Variants in SEZ6L observed in about 807,000 individuals in gnomAD.
The protein encoded by SEZ6L is seizure related 6 homolog like.
In SEZ6L, 37 loss-of-function variants were observed where a neutral mutation model predicts 106.2. That is an observed-to-expected ratio of 0.35 (90% confidence interval 0.27 to 0.46). The LOEUF is 0.46. Ranked by LOEUF, SEZ6L falls within the 20% of genes least tolerant of loss-of-function variation. SEZ6L has a pLI of 1.00. For missense variants in SEZ6L, 1,172 were observed against 1,332.8 expected (o/e 0.88, Z 1.88); for synonymous variants, 541 against 570.4 (o/e 0.95, Z 0.73).
intron 13 of SEZ6L, among the ~76,000 whole-genome samples, chr22:26,370,289 G>A (rs1428255869): frequency 6.6e-6 from 1 of 152,072 alleles, no homozygotes; most frequent in Non-Finnish European, 1.5e-5. Flanking sequence ...GGAGGCTGAG[G>A]CAGGACAATG....
At chr22:26,266,979 T>C (rs1018304981) in intron 1 of SEZ6L, among the ~76,000 whole-genome samples, 6 of 152,170 alleles carry the variant, frequency 3.9e-5, no homozygotes, top group African/African-American at 1.4e-4. Flanking sequence ...AGAGCTGAGA[T>C]GAATAAAGGC....
intron 1 of SEZ6L, among the ~76,000 whole-genome samples, chr22:26,216,758 C>T (rs1274347632): frequency 6.6e-6 from 1 of 152,148 alleles, no homozygotes; most frequent in East Asian, 1.9e-4. Flanking sequence ...TCATCATTAT[C>T]ATCATCAAAA....
intron 12 of SEZ6L, among the ~76,000 whole-genome samples, chr22:26,356,471 G>A (rs192895820): frequency 3.8e-4 from 58 of 151,522 alleles, no homozygotes; most frequent in Admixed American, 1.4e-3. Context: ...GTGAAACCCC[G>A]TCTCTACTAA....
Position 26,310,811 on chromosome 22 carries a change from C to T in SEZ6L, c.1656C>T (p.Ala552=), listed in dbSNP as rs2081800615. The change falls in exon 7 of 17, where the codon GCC becomes GCT. Residue 552 remains alanine, a synonymous_variant. Coordinates refer to ENST00000248933, the MANE Select transcript of SEZ6L (RefSeq NM_021115.5). ...IEFTSDQARA[A]STFNIRFEAF... is the part of the protein sequence containing the mutation. ...TCACGTCCGACCAGGCCCGGGCGGCCTCCACCTTCAACATCCGATTTGAAG... is the reference window on the plus strand; with the variant it reads ...TCACGTCCGACCAGGCCCGGGCGGCTTCCACCTTCAACATCCGATTTGAAG... The T allele has an allele frequency of 2.5e-6, 4 of 1,614,106 alleles. No homozygotes were observed. In the South Asian group the frequency reaches 4.4e-5, roughly 18 times the overall value.
intron 13 of SEZ6L, among the ~76,000 whole-genome samples, chr22:26,370,241 C>T (rs1218858458): frequency 1.3e-5 from 2 of 151,902 alleles, no homozygotes; most frequent in South Asian, 2.1e-4. Flanking sequence ...AAAATTTAGC[C>T]GGGTGTGGTG....
At chr22:26,357,767 A>G (rs1308844366) in intron 12 of SEZ6L, among the ~76,000 whole-genome samples, 3 of 152,194 alleles carry the variant, frequency 2.0e-5, no homozygotes, top group East Asian at 1.9e-4. Context: ...TAGCAAAATG[A>G]ATGTGGTCTT....
At chr22:26,229,405 G>A (rs2078732145) in intron 1 of SEZ6L, among the ~76,000 whole-genome samples, 1 of 152,186 alleles carries the variant, frequency 6.6e-6, no homozygotes, top group Non-Finnish European at 1.5e-5. Context: ...TTTATTATAT[G>A]TCAGTAATGT....
intron 6 of SEZ6L, among the ~76,000 whole-genome samples, chr22:26,308,991 A>T (rs2081729717): frequency 6.6e-6 from 1 of 152,186 alleles, no homozygotes. Context: ...GGACTCTACC[A>T]CAGCCCCCAT....
chr22:26,289,840 A>T (rs2081052933), intron 1 of SEZ6L, among the ~76,000 whole-genome samples: 3 of 152,232 alleles, frequency 2.0e-5, no homozygotes, highest in Admixed American at 2.0e-4. Context: ...CTCCCTGCAG[A>T]AAATCGACAA....
At chr22:26,188,435 C>T (rs539584725) in intron 1 of SEZ6L, among the ~76,000 whole-genome samples, 33 of 152,216 alleles carry the variant, frequency 2.2e-4, no homozygotes, top group South Asian at 1.2e-3. Flanking sequence ...GCTTGTCACC[C>T]GAGCATGTAA....
chr22:26,363,829 T>G (rs935882210), intron 12 of SEZ6L, among the ~76,000 whole-genome samples: 1 of 152,158 alleles, frequency 6.6e-6, no homozygotes, highest in Non-Finnish European at 1.5e-5. Flanking sequence ...ATATTAGCCT[T>G]GAAAAGGAAG....
At chr22:26,252,957 C>T (rs1417177136) in intron 1 of SEZ6L, among the ~76,000 whole-genome samples, 1 of 152,106 alleles carries the variant, frequency 6.6e-6, no homozygotes, top group Non-Finnish European at 1.5e-5. Flanking sequence ...ATTGCTAGGT[C>T]GAATTGTAGT....
At chr22:26,377,894 C>G in intron 16 of SEZ6L, 119 bp downstream of exon 16, 1 of 744,756 alleles carries the variant, frequency 1.3e-6, no homozygotes, top group Non-Finnish European at 2.3e-6. Context: ...GTGGTCCTGT[C>G]TTATCCCCAC....
intron 12 of SEZ6L, among the ~76,000 whole-genome samples, chr22:26,360,965 G>A (rs1158801415): frequency 1.3e-5 from 2 of 152,114 alleles, no homozygotes; most frequent in African/African-American, 4.8e-5. Flanking sequence ...AAGCTATAAA[G>A]TGTTGTGCAC....
At chr22:26,213,094 T>C (rs2078206129) in intron 1 of SEZ6L, among the ~76,000 whole-genome samples, 1 of 152,090 alleles carries the variant, frequency 6.6e-6, no homozygotes, top group Non-Finnish European at 1.5e-5. Flanking sequence ...CTCCCTACAT[T>C]CCTCCCACTA....
chr22:26,204,931 C>A (rs922521305), intron 1 of SEZ6L, among the ~76,000 whole-genome samples: 3 of 152,212 alleles, frequency 2.0e-5, no homozygotes, highest in Admixed American at 6.5e-5. Flanking sequence ...TGATAAAAGA[C>A]CTCACTTCAA....
chr22:26,182,024 C>A (rs982915103), intron 1 of SEZ6L, among the ~76,000 whole-genome samples: 4 of 152,112 alleles, frequency 2.6e-5, no homozygotes, highest in Non-Finnish European at 5.9e-5. Context: ...TGTTTGAAAG[C>A]CTTTCTCCCC....
chr22:26,287,051 C>G (rs28562140), intron 1 of SEZ6L, among the ~76,000 whole-genome samples: 1 of 143,232 alleles, frequency 7.0e-6, no homozygotes, highest in Non-Finnish European at 1.6e-5. Context: ...CCCGGTCGAG[C>G]TTGTGCTTTT....
At chr22:26,241,421 G>A (rs1421462142) in intron 1 of SEZ6L, 1 of 152,188 alleles carries the variant, frequency 6.6e-6, no homozygotes, top group African/African-American at 2.4e-5. Flanking sequence ...ACTGGACAGA[G>A]GCAAAAGAAA....
Sources: gnomAD v4.1 joint callset for allele counts (sites outside exome capture counted in the v4.1 genomes callset) on GRCh38, gnomAD v4.1.1 for gene constraint, MANE v1.5 for transcripts, NCBI Gene and HGNC (gene_info 2026-07-23, HGNC 2026-07-21) for gene names.